FER: variants seen among roughly 807,000 people sequenced by gnomAD.
FER encodes the protein FER tyrosine kinase.
FER carries 63 observed loss-of-function variants against 111.0 expected under a neutral mutation model. That is an observed-to-expected ratio of 0.57 (90% CI 0.46 to 0.70). The LOEUF (loss-of-function observed/expected upper bound fraction) is 0.70. FER is among the 30% of genes least tolerant of loss of function. The probability of loss-of-function intolerance (pLI) is 0.00; values close to 1 mark genes in which losing one functional copy is unlikely to be tolerated. For missense variants in FER, 914 were observed against 954.0 expected (o/e 0.96, Z 0.55); for synonymous variants, 327 against 313.9 (o/e 1.04, Z -0.44).
intron 13 of FER, among the ~76,000 whole-genome samples, chr5:109,023,164 T>C (rs1768165816): frequency 6.6e-6 from 1 of 152,152 alleles, no homozygotes; most frequent in African/African-American, 2.4e-5. Context: ...AAAGTGTATG[T>C]GTCGAGTGAT....
At chr5:108,930,224 C>T (rs1369331144) in intron 10 of FER, among the ~76,000 whole-genome samples, 9 of 151,348 alleles carry the variant, frequency 5.9e-5, no homozygotes, top group Non-Finnish European at 1.0e-4. Flanking sequence ...GTTGCCCAGG[C>T]TGGTCTCAAA....
intron 3 of FER, among the ~76,000 whole-genome samples, chr5:108,826,808 C>T (rs6876606): frequency 0.23 from 34,656 of 152,064 alleles, 4,133 homozygotes; most frequent in African/African-American, 0.28. Context: ...TCTGTTTCTT[C>T]ATGATTCAGT....
At chr5:109,136,171 A>G (rs1379843380) in intron 17 of FER, among the ~76,000 whole-genome samples, 2 of 151,800 alleles carry the variant, frequency 1.3e-5, no homozygotes, top group African/African-American at 4.8e-5. Context: ...TGAGAGAATC[A>G]CTTGAACCCT....
intron 2 of FER, among the ~76,000 whole-genome samples, chr5:108,770,505 C>T (rs935250681): frequency 6.6e-6 from 1 of 152,066 alleles, no homozygotes; most frequent in African/African-American, 2.4e-5. Flanking sequence ...GACAGAGTCT[C>T]GCTGTATTGC....
intron 3 of FER, among the ~76,000 whole-genome samples, chr5:108,825,126 G>A (rs895647203): frequency 6.6e-6 from 1 of 152,138 alleles, no homozygotes; most frequent in African/African-American, 2.4e-5. Context: ...AATTGCTAAT[G>A]AAGTTTTGGG....
chr5:108,968,730 A>T (rs1338785918), intron 13 of FER, among the ~76,000 whole-genome samples: 1 of 152,116 alleles, frequency 6.6e-6, no homozygotes. Context: ...TAATATGTAT[A>T]TAATAGTTGC....
intron 16 of FER, among the ~76,000 whole-genome samples, chr5:109,055,791 A>C (rs1773554946): frequency 2.0e-5 from 1 of 50,830 alleles, no homozygotes; most frequent in Non-Finnish European, 3.8e-5. Context: ...ACCTTGTCTC[A>C]AAAAAAAAAA....
chr5:108,850,131 GTTGC>G (rs1762412768), intron 5 of FER, among the ~76,000 whole-genome samples: 1 of 151,548 alleles, frequency 6.6e-6, no homozygotes, highest in Admixed American at 6.6e-5. Flanking sequence ...GGAGGTGGAG[GTTGC>G]AGTGAGCCTA....
chr5:109,133,963 G>A (rs566213331), intron 17 of FER, among the ~76,000 whole-genome samples: 20 of 151,726 alleles, frequency 1.3e-4, no homozygotes, highest in Admixed American at 3.3e-4. Flanking sequence ...AATTATTGAC[G>A]ATAGCTGAAG....
chr5:108,787,392 C>G (rs1009582470), intron 2 of FER, among the ~76,000 whole-genome samples: 1 of 152,110 alleles, frequency 6.6e-6, no homozygotes, highest in Non-Finnish European at 1.5e-5. Context: ...GTTTGGGTGC[C>G]GTGGATGGCA....
chr5:108,968,994 AT>A (rs1373002639), intron 13 of FER, among the ~76,000 whole-genome samples: 2 of 151,992 alleles, frequency 1.3e-5, no homozygotes, highest in East Asian at 1.9e-4. Flanking sequence ...CACCTATTAG[AT>A]TAGCATAAAT....
At chr5:108,752,407 G>A (rs909080637) in intron 1 of FER, among the ~76,000 whole-genome samples, 2 of 151,886 alleles carry the variant, frequency 1.3e-5, no homozygotes, top group Non-Finnish European at 2.9e-5. Flanking sequence ...AGATTTTATG[G>A]TTTTCATTTC....
At chr5:109,183,344 GT>G (rs376196164) in intron 18 of FER, among the ~76,000 whole-genome samples, 1,558 of 148,416 alleles carry the variant, frequency 0.01, 20 homozygotes, top group African/African-American at 0.037. Flanking sequence ...TGCCTCCTGG[GT>G]TCAAGCAATT....
intron 8 of FER, among the ~76,000 whole-genome samples, chr5:108,880,041 T>C (rs1184933600): frequency 6.6e-6 from 1 of 152,050 alleles, no homozygotes; most frequent in Non-Finnish European, 1.5e-5. Flanking sequence ...TCTAAATTCA[T>C]TTGTCTTTTC....
At chr5:109,018,092 A>G (rs984235170) in intron 13 of FER, among the ~76,000 whole-genome samples, 9 of 151,910 alleles carry the variant, frequency 5.9e-5, no homozygotes, top group African/African-American at 1.9e-4. Flanking sequence ...GCCTAGTCAA[A>G]TGACTTAATA....
intron 17 of FER, among the ~76,000 whole-genome samples, chr5:109,154,713 A>G (rs1458023642): frequency 6.6e-6 from 1 of 151,926 alleles, no homozygotes; most frequent in Non-Finnish European, 1.5e-5. Context: ...GCTGTAACAA[A>G]TTACCACAAA....
intron 2 of FER, among the ~76,000 whole-genome samples, chr5:108,795,759 A>G (rs967986912): frequency 6.6e-6 from 1 of 152,150 alleles, no homozygotes; most frequent in African/African-American, 2.4e-5. Context: ...TAGAATTCTA[A>G]ATTTGGTCTC....
intron 1 of FER, among the ~76,000 whole-genome samples, chr5:108,759,109 C>T (rs1383680659): frequency 2.6e-5 from 4 of 152,062 alleles, no homozygotes; most frequent in Non-Finnish European, 2.9e-5. Context: ...TGCAGTTGAC[C>T]AGTATAATTA....
chr5:108,812,742 T>A (rs1757895255), intron 3 of FER, among the ~76,000 whole-genome samples: 1 of 152,146 alleles, frequency 6.6e-6, no homozygotes, highest in South Asian at 2.1e-4. Flanking sequence ...TGTGTTATTT[T>A]AATGGTTGCA....
Sources: gnomAD v4.1 joint callset for allele counts (sites outside exome capture counted in the v4.1 genomes callset) on GRCh38, gnomAD v4.1.1 for gene constraint, MANE v1.5 for transcripts, NCBI Gene and HGNC (gene_info 2026-07-23, HGNC 2026-07-21) for gene names.